UBR3: variants seen among roughly 807,000 people sequenced by gnomAD.
UBR3 encodes E3 ubiquitin-protein ligase UBR3.
Under a neutral mutation model 243.2 loss-of-function variants are expected in UBR3, and 85 were observed. The observed-to-expected ratio is 0.35, with a 90% CI of 0.29 to 0.42. UBR3 has a LOEUF of 0.42. Ranked by LOEUF, UBR3 falls within the 10% of genes least tolerant of loss-of-function variation. UBR3 has a pLI of 1.00. For missense variants in UBR3, 1,686 were observed against 2,300.8 expected, an observed-to-expected ratio of 0.73 and a Z score of 5.47; for synonymous variants, 748 against 799.8, an observed-to-expected ratio of 0.94 and a Z score of 1.09.
chr2:169,968,969 T>A (rs934401413), intron 24 of UBR3, among the ~76,000 whole-genome samples: 1 of 152,234 alleles, frequency 6.6e-6, no homozygotes, highest in African/African-American at 2.4e-5. Flanking sequence ...GTTTTTTATA[T>A]GCCTGTTTGG....
At chr2:169,915,044 A>G (rs2105339495) in intron 11 of UBR3, among the ~76,000 whole-genome samples, 1 of 152,278 alleles carries the variant, frequency 6.6e-6, no homozygotes, top group South Asian at 2.1e-4. Context: ...ATTTTCTTAT[A>G]TAGCCAGAAT....
At chr2:170,078,262 A>G (rs1318550632) in intron 36 of UBR3, 3 of 426,932 alleles carry the variant, frequency 7.0e-6, no homozygotes, top group African/African-American at 6.4e-5. Context: ...CATGGCATTT[A>G]CAGTGTAATT....
In UBR3 at chr2:170,055,543, GA is replaced by G; in HGVS notation, c.4746del (p.Asp1583IlefsTer26). On this transcript the variant is annotated frameshift_variant, in exon 33 of 39. Coordinates refer to ENST00000272793, the MANE Select transcript of UBR3 (RefSeq NM_172070.4). LOFTEE classifies it high-confidence loss of function. ...AGCACTCTCAGTTAAATGCAGCGAAGAAGATAGGTCAGCCTGGAAACACGCG... is the reference window on the plus strand; with the variant it reads ...AGCACTCTCAGTTAAATGCAGCGAAGAGATAGGTCAGCCTGGAAACACGCG... ...LAALSVKCSE[E>X]DRSAWKHAGA... 1 of 1,613,670 alleles carries G rather than the reference GA, an allele frequency of 6.2e-7. No homozygotes were observed. Among genetic ancestry groups the G allele is most frequent in the Non-Finnish European group, 8.5e-7 (1 of 1,179,684 alleles).
At chr2:170,077,447 G>T in intron 36 of UBR3, 3 of 1,481,692 alleles carry the variant, frequency 2.0e-6, no homozygotes, top group Non-Finnish European at 2.7e-6. Flanking sequence ...TTCAGTTCAG[G>T]ATGTGTTACA....
Position 170,016,497 on chromosome 2 carries a change from TG to T in UBR3, c.4453+1134del, listed in dbSNP as rs145542768. Reference sequence around the variant, plus strand: ...TGTTTCAAAGGAAGTTGTTGATACATGGGAGTTTTAGTTTCTAATCTGTTTG... The same window carrying T: ...TGTTTCAAAGGAAGTTGTTGATACATGGAGTTTTAGTTTCTAATCTGTTTG... On this transcript the variant is annotated intron_variant, in intron 30 of 38. Transcript: ENST00000272793. Among the ~76,000 whole-genome samples the T allele has an allele frequency of 2.1e-4, 32 of 152,000 alleles. No homozygotes were observed. The East Asian group carries it at 5.4e-3, about 26-fold the overall frequency.
intron 10 of UBR3, among the ~76,000 whole-genome samples, chr2:169,906,618 A>G (rs2085020038): frequency 6.6e-6 from 1 of 152,066 alleles, no homozygotes; most frequent in Non-Finnish European, 1.5e-5. Context: ...GTCCAGACAA[A>G]TGGAATCCCC....
At chr2:170,075,636 C>G (rs780002177) in intron 36 of UBR3, among the ~76,000 whole-genome samples, 33 of 152,054 alleles carry the variant, frequency 2.2e-4, no homozygotes, top group Non-Finnish European at 4.1e-4. Context: ...ACCATTTGAC[C>G]TGTATTCCCC....
intron 1 of UBR3, among the ~76,000 whole-genome samples, chr2:169,861,381 G>A (rs2083084023): frequency 6.6e-6 from 1 of 152,172 alleles, no homozygotes; most frequent in Admixed American, 6.5e-5. Context: ...AGGCCGAGGC[G>A]GGTGGATCAC....
intron 1 of UBR3, among the ~76,000 whole-genome samples, chr2:169,846,897 G>A (rs577507939): frequency 6.6e-6 from 1 of 152,140 alleles, no homozygotes; most frequent in South Asian, 2.1e-4. Context: ...CACACCCAGT[G>A]AAATTTTTGT....
chr2:169,827,606 G>A lies in UBR3; in HGVS notation c.99G>A (p.Ala33=). The A allele has an allele frequency of 1.6e-6, 2 of 1,260,018 alleles. No individual in the cohort carries two copies. Among genetic ancestry groups the A allele is most frequent in the Admixed American group, 3.7e-5 (1 of 26,820 alleles). The allele number at this position is 1,260,018 out of a possible 1,614,324, so 78.1% of individuals were successfully genotyped here. Residue 33 remains alanine (A), a synonymous_variant, in exon 1 of 39, where the codon GCG becomes GCA. Transcript: ENST00000272793. The part of the protein sequence containing the change: ...GLALDKAATA[A]HLKAALSRPD... The stretch of plus-strand genomic sequence containing the variant: ...CCCTAGACAAGGCGGCCACCGCCGC[G>A]CACCTCAAGGCGGCCCTCAGCCGGC...
chr2:169,955,281 C>T (rs1246497365), intron 23 of UBR3, among the ~76,000 whole-genome samples: 1 of 151,998 alleles, frequency 6.6e-6, no homozygotes, highest in Non-Finnish European at 1.5e-5. Flanking sequence ...TTGTAATATC[C>T]CAATTCATAT....
At chr2:169,978,021 T>G (rs2088539174) in intron 24 of UBR3, among the ~76,000 whole-genome samples, 2 of 152,154 alleles carry the variant, frequency 1.3e-5, no homozygotes, top group South Asian at 4.1e-4. Context: ...TGACTCTGTT[T>G]CTGGGTGGGT....
intron 38 of UBR3, among the ~76,000 whole-genome samples, chr2:170,081,203 T>TA (rs2091899349): frequency 1.3e-5 from 2 of 148,448 alleles, no homozygotes; most frequent in South Asian, 2.2e-4. Flanking sequence ...AAGAATCTAG[T>TA]AAAAAAAGAA....
chr2:169,909,096 T>G (rs1357655913), intron 10 of UBR3, among the ~76,000 whole-genome samples: 1 of 152,160 alleles, frequency 6.6e-6, no homozygotes, highest in Non-Finnish European at 1.5e-5. Flanking sequence ...GTGCTGGGAT[T>G]ACAGGCGTGA....
intron 29 of UBR3, chr2:170,014,767 A>C (rs1044536724): frequency 6.5e-6 from 1 of 153,338 alleles, no homozygotes; most frequent in African/African-American, 2.4e-5. Context: ...TGTGTTGTTC[A>C]TAGCCATTTC....
At chr2:169,891,456 TC>T (rs2084371374) in intron 6 of UBR3, among the ~76,000 whole-genome samples, 1 of 151,976 alleles carries the variant, frequency 6.6e-6, no homozygotes, top group African/African-American at 2.4e-5. Context: ...CATATTTGAG[TC>T]CCCCCCAAAA....
intron 32 of UBR3, among the ~76,000 whole-genome samples, chr2:170,054,533 C>T (rs1197354129): frequency 6.6e-6 from 1 of 152,056 alleles, no homozygotes; most frequent in Non-Finnish European, 1.5e-5. Context: ...CCGCCCACCT[C>T]AGCCTCCCAA....
rs1284095409 is a variant in UBR3 at position 170,055,479 on chromosome 2, G to A, written c.4680G>A (p.Val1560=). 2 of 1,613,318 alleles carry A rather than the reference G, an allele frequency of 1.2e-6. No homozygotes were observed. Among genetic ancestry groups the A allele is most frequent in the African/African-American group, 1.3e-5 (1 of 74,844 alleles). ...TTGCAGACCACTTTACCTGCATTGT[G>A]AAGGTACTTTTTACCCTACTGTACA... ...PLRKDHFTCI[V]KVLFTLLYTQ... is the part of the protein sequence containing the mutation. Residue 1560 remains valine, a synonymous_variant, in exon 33 of 39, where the codon GTG becomes GTA. Transcript: ENST00000272793.
rs1366034030 is a variant in UBR3 at position 170,061,790 on chromosome 2, A to G, written c.5019+347A>G. On this transcript the variant is annotated intron_variant, in intron 35 of 38. Transcript: ENST00000272793. ...CCAAGCCTTGTTTTTATAATAAGCT[A>G]TTTTGTTTTAAATATACTGGTATGT... Among the ~76,000 whole-genome samples, 11 of 152,186 alleles carry G rather than the reference A, an allele frequency of 7.2e-5. No individual in the cohort carries two copies. In the South Asian group the frequency reaches 8.3e-4, roughly 11 times the overall value.
Sources: gnomAD v4.1 joint callset for allele counts (sites outside exome capture counted in the v4.1 genomes callset) on GRCh38, gnomAD v4.1.1 for gene constraint, MANE v1.5 for transcripts, NCBI Gene and HGNC (gene_info 2026-07-23, HGNC 2026-07-21) for gene names.